The following GATB variants were observed in gnomAD, a reference collection of about 807,000 sequenced individuals.
The protein encoded by GATB is glutamyl-tRNA(Gln) amidotransferase subunit B, mitochondrial.
Under a neutral mutation model 62.3 loss-of-function variants are expected in GATB, and 39 were observed. The ratio of observed to expected loss-of-function variants is 0.63; its 90% CI spans 0.48 to 0.82. GATB has a LOEUF of 0.82. GATB is among the 40% of genes least tolerant of loss of function. GATB has a pLI of 0.00. For synonymous variants in GATB, 276 were observed against 258.9 expected (o/e 1.07, Z -0.63); for missense variants, 670 against 684.0 (o/e 0.98, Z 0.23).
chr4:151,734,797 T>A (rs940886594), intron 2 of GATB, among the ~76,000 whole-genome samples: 6 of 152,186 alleles, frequency 3.9e-5, no homozygotes, highest in African/African-American at 1.4e-4. Flanking sequence ...AGTCAACTGA[T>A]CTTCAACAAA....
intron 2 of GATB, among the ~76,000 whole-genome samples, chr4:151,755,858 C>A (rs1739816369): frequency 6.6e-6 from 1 of 152,162 alleles, no homozygotes; most frequent in Non-Finnish European, 1.5e-5. Flanking sequence ...GAAAAGATAA[C>A]AGGCTTAACA....
At chr4:151,693,987 A>G (rs1212264426) in intron 9 of GATB, among the ~76,000 whole-genome samples, 1 of 152,226 alleles carries the variant, frequency 6.6e-6, no homozygotes, top group Non-Finnish European at 1.5e-5. Flanking sequence ...GGCACTGCTA[A>G]AAGACTATCT....
intron 2 of GATB, among the ~76,000 whole-genome samples, chr4:151,740,653 C>T (rs1224181589): frequency 2.6e-5 from 4 of 152,296 alleles, no homozygotes; most frequent in African/African-American, 7.2e-5. Flanking sequence ...GCAGCATCAC[C>T]GATGATGCCA....
intron 2 of GATB, among the ~76,000 whole-genome samples, chr4:151,727,869 G>C (rs1051069255): frequency 6.6e-6 from 1 of 152,104 alleles, no homozygotes; most frequent in African/African-American, 2.4e-5. Flanking sequence ...TATCTCAATC[G>C]AATCTTTCAT....
intron 8 of GATB, chr4:151,703,056 G>GT (rs1399046074): frequency 6.6e-6 from 1 of 152,280 alleles, no homozygotes; most frequent in Non-Finnish European, 1.5e-5. Context: ...CAGGAATAAA[G>GT]TGGGCCCCTG....
intron 5 of GATB, among the ~76,000 whole-genome samples, chr4:151,712,698 T>C (rs1034805649): frequency 5.9e-5 from 9 of 152,214 alleles, no homozygotes; most frequent in Non-Finnish European, 1.0e-4. Flanking sequence ...CTCATCTAGA[T>C]GAGTGGTAAT....
At chr4:151,702,859 C>T (rs376038703) in intron 8 of GATB, among the ~76,000 whole-genome samples, 11 of 152,158 alleles carry the variant, frequency 7.2e-5, no homozygotes, top group African/African-American at 2.4e-4. Flanking sequence ...TCGAAGCACA[C>T]GCTACCCATC....
intron 2 of GATB, among the ~76,000 whole-genome samples, chr4:151,753,746 A>G (rs1476194729): frequency 6.6e-6 from 1 of 151,076 alleles, no homozygotes; most frequent in Non-Finnish European, 1.5e-5. Flanking sequence ...GTACACTATC[A>G]TAGACTACAT....
chr4:151,752,128 A>G (rs1336985719), intron 2 of GATB, among the ~76,000 whole-genome samples: 1 of 152,186 alleles, frequency 6.6e-6, no homozygotes, highest in Non-Finnish European at 1.5e-5. Context: ...GCATGGTTCC[A>G]TTCTCTTACA....
At chr4:151,715,928 A>G in intron 5 of GATB, 81 bp downstream of exon 5, 1 of 1,492,354 alleles carries the variant, frequency 6.7e-7, no homozygotes, top group Non-Finnish European at 9.0e-7. Flanking sequence ...TATAATAGAC[A>G]GAAAATAAAA....
chr4:151,717,265 T>C, intron 3 of GATB, 191 bp from the exon 4 acceptor site: 1 of 590,570 alleles, frequency 1.7e-6, no homozygotes, highest in Non-Finnish European at 3.0e-6. Context: ...CTTCTGCCCC[T>C]GCCATCACCC....
intron 5 of GATB, among the ~76,000 whole-genome samples, chr4:151,713,959 A>C (rs1484352867): frequency 6.6e-6 from 1 of 152,240 alleles, no homozygotes; most frequent in Non-Finnish European, 1.5e-5. Context: ...CAATGTCATA[A>C]AATGTAAATG....
chr4:151,679,140 C>T (rs1738078851), intron 11 of GATB, among the ~76,000 whole-genome samples: 2 of 152,150 alleles, frequency 1.3e-5, no homozygotes, highest in South Asian at 2.1e-4. Context: ...GTGATCCACC[C>T]GCCTCAGCCT....
intron 6 of GATB, among the ~76,000 whole-genome samples, chr4:151,706,345 A>C (rs1407097458): frequency 6.6e-6 from 1 of 151,764 alleles, no homozygotes; most frequent in Non-Finnish European, 1.5e-5. Context: ...TTCAGAACTC[A>C]TGGATGACTC....
Position 151,670,967 on chromosome 4 carries a change from G to A in GATB, c.*207C>T, listed in dbSNP as rs1318311003. On this transcript the variant is annotated 3_prime_UTR_variant, in exon 13 of 13. Transcript: ENST00000263985. Reference sequence around the variant, plus strand: ...CTCCTGATGTGGATGAAGCAGGCGGGGTGGCTGCTGGTCGGCTGTGGAGGC... The same window carrying A: ...CTCCTGATGTGGATGAAGCAGGCGGAGTGGCTGCTGGTCGGCTGTGGAGGC... The A allele has an allele frequency of 1.8e-6, 1 of 570,062 alleles. No homozygotes were observed. The highest frequency in any genetic ancestry group is 3.1e-6 in the Non-Finnish European group (1 of 322,854). The allele number at this position is 570,062 out of a possible 1,614,324, so 35.3% of individuals were successfully genotyped here.
intron 9 of GATB, among the ~76,000 whole-genome samples, chr4:151,695,930 A>ATTTTTTTTTTTTTTTT (rs57028979): frequency 1.6e-5 from 2 of 122,850 alleles, no homozygotes; most frequent in Non-Finnish European, 3.3e-5. Context: ...GCTAATTTAA[A>ATTTTTTTTTTTTTTTT]TTTTTTTTTT....
chr4:151,697,172 C>A (rs1170509075), intron 9 of GATB, among the ~76,000 whole-genome samples: 1 of 152,126 alleles, frequency 6.6e-6, no homozygotes, highest in Non-Finnish European at 1.5e-5. Context: ...AAAAAAGATA[C>A]CTGCAAGCGA....
chr4:151,742,803 T>G (rs1039245857), intron 2 of GATB, among the ~76,000 whole-genome samples: 3 of 152,054 alleles, frequency 2.0e-5, no homozygotes, highest in Non-Finnish European at 4.4e-5. Flanking sequence ...ATAAAAAAAT[T>G]ACAAAATACA....
At chr4:151,695,706 C>T (rs1238051394) in intron 9 of GATB, among the ~76,000 whole-genome samples, 6 of 152,086 alleles carry the variant, frequency 3.9e-5, no homozygotes, top group Admixed American at 6.6e-5. Flanking sequence ...CAAAATCAAA[C>T]CACAAATGCC....
Sources: allele counts gnomAD v4.1 joint callset (sites outside exome capture counted in the v4.1 genomes callset), GRCh38; gene constraint gnomAD v4.1.1; transcripts MANE v1.5; gene names NCBI Gene and HGNC (gene_info 2026-07-23, HGNC 2026-07-21).